Variants in NEK6 observed in about 807,000 individuals in gnomAD.
NEK6 encodes the protein serine/threonine-protein kinase Nek6.
In NEK6, 27 loss-of-function variants were observed where a neutral mutation model predicts 43.5. The ratio of observed to expected loss-of-function variants is 0.62; its 90% CI spans 0.46 to 0.86. NEK6 has a LOEUF of 0.86. Among genes scored for constraint, NEK6 ranks in the 40% least tolerant of loss-of-function variants. The pLI is 0.00. For synonymous variants in NEK6, 167 were observed against 164.1 expected, an observed-to-expected ratio of 1.02 and a Z score of -0.14; for missense variants, 318 against 414.4, an observed-to-expected ratio of 0.77 and a Z score of 2.02.
intron 1 of NEK6, among the ~76,000 whole-genome samples, chr9:124,289,563 G>A (rs1345990057): frequency 1.3e-5 from 2 of 152,156 alleles, no homozygotes; most frequent in African/African-American, 2.4e-5. Flanking sequence ...ACGTCACTAT[G>A]GCTACTATGC....
chr9:124,271,159 C>A (rs542545992), intron 1 of NEK6, among the ~76,000 whole-genome samples: 3 of 152,388 alleles, frequency 2.0e-5, no homozygotes, highest in African/African-American at 7.2e-5. Flanking sequence ...ATGGTCAGCC[C>A]TCCCTGACTT....
chr9:124,263,662 C>G (rs570179380), intron 1 of NEK6, among the ~76,000 whole-genome samples: 1 of 152,322 alleles, frequency 6.6e-6, no homozygotes, highest in Admixed American at 6.5e-5. Flanking sequence ...TCTCCAGTGC[C>G]CCTGCATTGA....
intron 1 of NEK6, among the ~76,000 whole-genome samples, chr9:124,294,190 AC>A (rs1484276015): frequency 1.3e-5 from 2 of 152,080 alleles, no homozygotes; most frequent in Non-Finnish European, 2.9e-5. Context: ...ACATGGCGAA[AC>A]CCCGTCTCTA....
intron 8 of NEK6, among the ~76,000 whole-genome samples, chr9:124,346,609 G>C (rs1315819832): frequency 6.6e-6 from 1 of 152,176 alleles, no homozygotes. Flanking sequence ...GAGGCAGGCA[G>C]CCACAGTGAG....
At chr9:124,305,790 G>T (rs989608156) in intron 2 of NEK6, among the ~76,000 whole-genome samples, 1 of 152,176 alleles carries the variant, frequency 6.6e-6, no homozygotes, top group Non-Finnish European at 1.5e-5. Context: ...CTAGATAGAT[G>T]ATCAGGAATT....
intron 3 of NEK6, among the ~76,000 whole-genome samples, chr9:124,313,032 C>A (rs138187837): frequency 6.6e-6 from 1 of 152,168 alleles, no homozygotes; most frequent in Non-Finnish European, 1.5e-5. Flanking sequence ...CTTGCGCCTG[C>A]GGTTGCTCCA....
At position 124,352,263 on chromosome 9, in the gene NEK6, C is replaced by T. The variant is rs1367622310; in HGVS notation, c.*1316C>T. 1.3e-5 allele frequency: 2 copies of T among 152,294 alleles called. No individual in the cohort carries two copies. Among genetic ancestry groups the T allele is most frequent in the Non-Finnish European group, 2.9e-5 (2 of 68,042 alleles). 9.4% of individuals were successfully genotyped at this position (152,294 alleles called of 1,614,324 possible). A position where few individuals can be genotyped will look rare whatever the true frequency, so the allele number is the denominator to read the frequency against. On this transcript the variant is annotated 3_prime_UTR_variant, in exon 10 of 10. Coordinates refer to ENST00000320246, the MANE Select transcript of NEK6 (RefSeq NM_014397.6). Reference sequence around the variant, plus strand: ...GCCTGCAGGCATTCACTGACCAGGCCTTTCCTGGAGGAAACACCCAGGGCC... The same window carrying T: ...GCCTGCAGGCATTCACTGACCAGGCTTTTCCTGGAGGAAACACCCAGGGCC...
chr9:124,315,399 G>T (rs536737315), intron 4 of NEK6, among the ~76,000 whole-genome samples: 1 of 152,358 alleles, frequency 6.6e-6, no homozygotes, highest in East Asian at 1.9e-4. Context: ...CTGCAAGTCG[G>T]GGGGCCATGG....
In NEK6 at chr9:124,281,529, C is replaced by G. The variant is rs112895663; in HGVS notation, c.-29-20407C>G. 9.0e-3 allele frequency among the ~76,000 whole-genome samples: 995 copies of G among 110,752 alleles called. 11 individuals are homozygous for G. Among genetic ancestry groups the G allele is most frequent in the African/African-American group, 0.033 (954 of 28,560 alleles). The allele number at this position is 110,752 out of a possible 152,430, so 72.7% of individuals were successfully genotyped here. On this transcript the variant is annotated intron_variant, in intron 1 of 9. Coordinates refer to ENST00000320246, the MANE Select transcript of NEK6 (RefSeq NM_014397.6). ...TTTTTTTTTTTTTTGGAGGCAGAAT[C>G]TCACTCTGTCGCCCAGACTGGAGTG...
chr9:124,258,097 G>A lies in NEK6; in HGVS notation c.-30+12G>A. The A allele has an allele frequency of 5.1e-6, 5 of 979,086 alleles. No individual in the cohort carries two copies. The highest frequency in any genetic ancestry group is 6.0e-6 in the Non-Finnish European group (5 of 827,518). 60.6% of individuals were successfully genotyped at this position (979,086 alleles called of 1,614,324 possible). A position where few individuals can be genotyped will look rare whatever the true frequency, so the allele number is the denominator to read the frequency against. On this transcript the variant is annotated intron_variant, in intron 1 of 9. Transcript: ENST00000320246. ...CCGCCCGCGCGCCGGTGAGTCGCCTGGGGCTGGGGCCGGGCCGGTGGGGCC... is the reference window on the plus strand; with the variant it reads ...CCGCCCGCGCGCCGGTGAGTCGCCTAGGGCTGGGGCCGGGCCGGTGGGGCC...
intron 9 of NEK6, 32 bp downstream of exon 9, chr9:124,347,854 C>T: frequency 7.2e-7 from 1 of 1,393,802 alleles, no homozygotes. Context: ...GCCTCGCCAG[C>T]CCCAGGAGGC....
At chr9:124,341,625 A>G (rs372165972) in intron 8 of NEK6, among the ~76,000 whole-genome samples, 2,406 of 152,130 alleles carry the variant, frequency 0.016, 61 homozygotes, top group African/African-American at 0.054. Context: ...GTGGATGGGG[A>G]AGGGGCCTGC....
chr9:124,272,779 A>G (rs1413724490), intron 1 of NEK6, among the ~76,000 whole-genome samples: 1 of 152,164 alleles, frequency 6.6e-6, no homozygotes, highest in African/African-American at 2.4e-5. Context: ...GGTCCTATTA[A>G]TTCATTTTAC....
At chr9:124,347,094 C>G in intron 8 of NEK6, among the ~76,000 whole-genome samples, 1 of 152,242 alleles carries the variant, frequency 6.6e-6, no homozygotes, top group East Asian at 1.9e-4. Context: ...CAACATGCTG[C>G]TGCGCACCTC....
At chr9:124,336,977 C>T (rs1829328312) in intron 7 of NEK6, among the ~76,000 whole-genome samples, 1 of 144,600 alleles carries the variant, frequency 6.9e-6, no homozygotes, top group Non-Finnish European at 1.5e-5. Flanking sequence ...GCCTGGGCGA[C>T]AGAGCGAGAC....
chr9:124,272,226 A>C (rs1312143325), intron 1 of NEK6, among the ~76,000 whole-genome samples: 2 of 152,234 alleles, frequency 1.3e-5, no homozygotes, highest in East Asian at 3.8e-4. Flanking sequence ...GCCACAGGGC[A>C]GGCTCTCAGT....
At chr9:124,272,800 A>G (rs77126076) in intron 1 of NEK6, among the ~76,000 whole-genome samples, 3 of 152,168 alleles carry the variant, frequency 2.0e-5, no homozygotes, top group African/African-American at 7.2e-5. Flanking sequence ...AGATGAGGAA[A>G]GGGAGGCTGA....
rs10760354 is a variant in NEK6 at position 124,339,645 on chromosome 9, C to T, written c.697C>T (p.Leu233=). 1,589,731 of 1,613,786 alleles carry T rather than the reference C, an allele frequency of 0.99. 785,069 individuals carry two copies. Among genetic ancestry groups the T allele is most frequent in the East Asian group, 1 (44,858 of 44,862 alleles). The change falls in exon 8 of 10, where the codon CTG becomes TTG. Residue 233 remains leucine, a synonymous_variant. Coordinates refer to ENST00000320246, the MANE Select transcript of NEK6 (RefSeq NM_014397.6). ...GYNFKSDIWS[L]GCLLYEMAAL... ...CAACTTCAAGTCCGACATCTGGTCC[C>T]TGGGCTGTCTGCTGTACGAGGTGAG...
In NEK6 at chr9:124,324,425, T is replaced by C. The variant is rs1181881874; in HGVS notation, c.406-1905T>C. ...CATCACAGCCATGGTGCCCGAGTTA[T>C]TTACGAGGAAGAGTGAAGCTAGGAG... On this transcript the variant is annotated intron_variant, in intron 5 of 9. Coordinates refer to ENST00000320246, the MANE Select transcript of NEK6 (RefSeq NM_014397.6). The surrounding 1 kb of genome is among the most constrained non-coding windows in gnomAD (Gnocchi z 5.3). Among the ~76,000 whole-genome samples, 1 of 152,146 alleles carries C rather than the reference T, an allele frequency of 6.6e-6. No individual in the cohort carries two copies. The highest frequency in any genetic ancestry group is 2.4e-5 in the African/African-American group (1 of 41,424).
Sources: gnomAD v4.1 joint callset for allele counts (sites outside exome capture counted in the v4.1 genomes callset) on GRCh38, gnomAD v4.1.1 for gene constraint, Gnocchi (gnomAD v3.1) non-coding constraint, MANE v1.5 for transcripts, NCBI Gene and HGNC (gene_info 2026-07-23, HGNC 2026-07-21) for gene names.